ANKUB1: variants seen among roughly 807,000 people sequenced by gnomAD.
ANKUB1 encodes ankyrin repeat and ubiquitin domain containing 1, also known as protein ANKUB1.
In ANKUB1, 42 loss-of-function variants were observed where a neutral mutation model predicts 49.3. That is an observed-to-expected ratio of 0.85 (90% confidence interval 0.67 to 1.10). ANKUB1 has a LOEUF of 1.10. ANKUB1 is among the 50% of genes least tolerant of loss of function. The pLI, the probability that ANKUB1 is intolerant of heterozygous loss-of-function variation, is 0.00. For synonymous variants in ANKUB1, 222 were observed against 231.0 expected (o/e 0.96, Z 0.35); for missense variants, 613 against 642.0 (o/e 0.95, Z 0.49).
At position 149,767,539 on chromosome 3, in the gene ANKUB1, G is replaced by C. The variant is rs1413390906; in HGVS notation, c.1123C>G (p.Leu375Val). 6.4e-7 allele frequency: 1 copy of C among 1,551,534 alleles called. No homozygotes were observed. The highest frequency in any genetic ancestry group is 1.4e-5 in the African/African-American group (1 of 73,018). ...TGTTTGCTGAGAGATGGTAGCTTGA[G>C]CACGATGCTTTGTGAGTCGCTGTTC... ...AGNSDSQSIV[L>V]KLPSLSKQTA... Residue 375 changes from leucine to valine, a missense_variant, in exon 5 of 6, where the codon CTC becomes GTC. Transcript: ENST00000446160.
intron 3 of ANKUB1, among the ~76,000 whole-genome samples, chr3:149,774,448 A>C (rs1717500341): frequency 6.6e-6 from 1 of 152,294 alleles, no homozygotes; most frequent in Admixed American, 6.5e-5. Flanking sequence ...TATGAGGCTA[A>C]CCTTCCCCTG....
chr3:149,776,806 C>CAT (rs752390178), intron 3 of ANKUB1, among the ~76,000 whole-genome samples: 3 of 116,912 alleles, frequency 2.6e-5, no homozygotes, highest in African/African-American at 1.3e-4. Context: ...ATAAAAAATA[C>CAT]ACACACACAC....
chr3:149,792,277 C>T lies in ANKUB1; in HGVS notation c.90G>A (p.Lys30=), dbSNP rs749181148. 6.6e-7 allele frequency: 1 copy of T among 1,517,362 alleles called. No individual in the cohort carries two copies. The highest frequency in any genetic ancestry group is 8.9e-7 in the Non-Finnish European group (1 of 1,129,572). The allele number at this position is 1,517,362 out of a possible 1,614,324, so 94.0% of individuals were successfully genotyped here. Residue 30 remains lysine, a splice_region_variant and synonymous_variant, in exon 1 of 6, where the codon AAG becomes AAA. Transcript: ENST00000446160. ...GGTGGTTTGGGAACGAAGTACATAC[C>T]TTTATCATCAGCTTGACAACCTCCA... ...ETVEVVKLMI[K]DYFHIPLSED... is the part of the protein sequence containing the mutation.
In ANKUB1 at chr3:149,790,925, CT is replaced by C; in HGVS notation, c.91-2del. Reference sequence around the variant, plus strand: ...CAGAGAGAGGAATGTGGAAATAATCCTTAAAAATCAATAGCATATTATGAAA... The same window carrying C: ...CAGAGAGAGGAATGTGGAAATAATCCTAAAAATCAATAGCATATTATGAAA... On this transcript the variant is annotated splice_acceptor_variant, in intron 1 of 5. Coordinates refer to ENST00000446160, the MANE Select transcript of ANKUB1 (RefSeq NM_001144960.3). LOFTEE classifies it high-confidence loss of function. 6.4e-7 allele frequency: 1 copy of C among 1,550,812 alleles called. No individual in the cohort carries two copies. The highest frequency in any genetic ancestry group is 2.0e-5 in the Admixed American group (1 of 50,706).
intron 3 of ANKUB1, among the ~76,000 whole-genome samples, chr3:149,774,015 G>T (rs947793742): frequency 1.3e-5 from 2 of 152,214 alleles, no homozygotes; most frequent in African/African-American, 4.8e-5. Context: ...AAAAGATGTA[G>T]GTCAGTAACT....
At chr3:149,788,000 A>C (rs540800138) in intron 2 of ANKUB1, among the ~76,000 whole-genome samples, 3 of 152,212 alleles carry the variant, frequency 2.0e-5, no homozygotes, top group African/African-American at 7.2e-5. Context: ...CAAAATTTAG[A>C]TATGCTAAAG....
At chr3:149,763,314 C>T (rs1176252340) in intron 5 of ANKUB1, among the ~76,000 whole-genome samples, 1 of 152,188 alleles carries the variant, frequency 6.6e-6, no homozygotes, top group Non-Finnish European at 1.5e-5. Flanking sequence ...GGCTCAGAGC[C>T]TATCCTGATT....
chr3:149,774,534 C>T (rs1717504724), intron 3 of ANKUB1, among the ~76,000 whole-genome samples: 1 of 152,232 alleles, frequency 6.6e-6, no homozygotes, highest in Admixed American at 6.5e-5. Context: ...TCTCAGCTCT[C>T]TCTAGCCCTC....
At chr3:149,779,842 G>A (rs1395522794) in intron 3 of ANKUB1, 1 of 187,322 alleles carries the variant, frequency 5.3e-6, no homozygotes, top group Admixed American at 5.4e-5. Context: ...TTATTTCTTA[G>A]TCTGTAGACC....
At chr3:149,778,974 T>C (rs1328088902) in intron 3 of ANKUB1, 1 of 152,242 alleles carries the variant, frequency 6.6e-6, no homozygotes, top group Admixed American at 6.5e-5. Flanking sequence ...ATTCATTTAC[T>C]TCAAGTAATT....
rs563379498 is a variant in ANKUB1 at position 149,771,791 on chromosome 3, A to G, written c.452-1117T>C. 9.2e-5 allele frequency among the ~76,000 whole-genome samples: 14 copies of G among 152,246 alleles called. 1 individual carries two copies. The highest frequency in any genetic ancestry group is 9.1e-4 in the Admixed American group (14 of 15,304). On this transcript the variant is annotated intron_variant, in intron 3 of 5. Transcript: ENST00000446160. ...GCGATGATAGCTTCATTGACCACCCAGGTGTCACTCATTCCCAAGTCCCAA... is the reference window on the plus strand; with the variant it reads ...GCGATGATAGCTTCATTGACCACCCGGGTGTCACTCATTCCCAAGTCCCAA...
At chr3:149,762,344 C>A (rs926828353) in intron 5 of ANKUB1, among the ~76,000 whole-genome samples, 7 of 152,174 alleles carry the variant, frequency 4.6e-5, no homozygotes, top group Admixed American at 2.0e-4. Context: ...TTTAACATAT[C>A]TTTATCTTCT....
At position 149,766,485 on chromosome 3, in the gene ANKUB1, G is replaced by T. The variant is rs1412399765; in HGVS notation, c.1505+672C>A. On this transcript the variant is annotated intron_variant, in intron 5 of 5. Coordinates refer to ENST00000446160, the MANE Select transcript of ANKUB1 (RefSeq NM_001144960.3). The stretch of plus-strand genomic sequence containing the variant: ...AGAAGAAGAAGAGGAAGACAAAGAA[G>T]TGGAAGAGGAGGAAAAAGAAGAAGC... 2.1e-5 allele frequency: 4 copies of T among 194,546 alleles called. 1 individual carries two copies. Among genetic ancestry groups the T allele is most frequent in the Non-Finnish European group, 3.2e-5 (3 of 92,474 alleles). The allele number at this position is 194,546 out of a possible 1,614,324, so 12.1% of individuals were successfully genotyped here.
At chr3:149,772,991 C>T (rs1268723930) in intron 3 of ANKUB1, among the ~76,000 whole-genome samples, 3 of 152,120 alleles carry the variant, frequency 2.0e-5, no homozygotes, top group African/African-American at 7.2e-5. Flanking sequence ...ACTCAGCAGC[C>T]CCCTTTTATA....
intron 2 of ANKUB1, chr3:149,783,544 G>A (rs1717959357): frequency 6.6e-6 from 1 of 152,138 alleles, no homozygotes; most frequent in South Asian, 2.1e-4. Context: ...ATTCATACAT[G>A]TACTTTAACA....
At chr3:149,766,070 A>G (rs936280850) in intron 5 of ANKUB1, among the ~76,000 whole-genome samples, 1 of 152,218 alleles carries the variant, frequency 6.6e-6, no homozygotes, top group Admixed American at 6.5e-5. Context: ...TCGCTTGTAA[A>G]TCTATATTTC....
rs186124985 is a variant in ANKUB1, at chr3:149,780,841, T to C, written c.235-386A>G. Among the ~76,000 whole-genome samples, 3 of 152,342 alleles carry C rather than the reference T, an allele frequency of 2.0e-5. No individual in the cohort carries two copies. The East Asian group carries it at 5.8e-4, about 29-fold the overall frequency. Reference sequence around the variant, plus strand: ...ATTTGAAATCTTCAGTCAATTATTATTATTTTTTTTCTGAGAGGTTATTCC... The same window carrying C: ...ATTTGAAATCTTCAGTCAATTATTACTATTTTTTTTCTGAGAGGTTATTCC... On this transcript the variant is annotated intron_variant, in intron 2 of 5. Transcript: ENST00000446160.
At chr3:149,764,085 A>C (rs1192840788) in intron 5 of ANKUB1, 1 of 454,174 alleles carries the variant, frequency 2.2e-6, no homozygotes, top group Admixed American at 2.4e-5. Context: ...TTTCCTGGCT[A>C]TGACACTAGC....
Position 149,768,367 on chromosome 3 carries a change from TG to T in ANKUB1, c.567-273del, listed in dbSNP as rs1330489595. Among the ~76,000 whole-genome samples the T allele has an allele frequency of 4.6e-5, 7 of 152,170 alleles. No individual in the cohort carries two copies. The East Asian group carries it at 1.2e-3, about 25-fold the overall frequency. On this transcript the variant is annotated intron_variant, in intron 4 of 5. Coordinates refer to ENST00000446160, the MANE Select transcript of ANKUB1 (RefSeq NM_001144960.3). ...TTAAATCCTCGAAAAATATCATGCATGGGGAAATACAAGGAGCTTTTAAGTC... is the reference window on the plus strand; with the variant it reads ...TTAAATCCTCGAAAAATATCATGCATGGGAAATACAAGGAGCTTTTAAGTC...
Sources: gnomAD v4.1 joint callset for allele counts (sites outside exome capture counted in the v4.1 genomes callset) on GRCh38, gnomAD v4.1.1 for gene constraint, MANE v1.5 for transcripts, NCBI Gene and HGNC (gene_info 2026-07-23, HGNC 2026-07-21) for gene names.